The following FAM237A variants were observed in gnomAD, a reference collection of about 807,000 sequenced individuals.
FAM237A encodes protein FAM237A.
A neutral mutation model predicts 12.5 loss-of-function variants in FAM237A; 14 were observed. That is an observed-to-expected ratio of 1.12 (90% confidence interval 0.74 to 1.75). The LOEUF (loss-of-function observed/expected upper bound fraction) is 1.75. Ranked by LOEUF, FAM237A falls within the 40% of genes most tolerant of loss-of-function variation. FAM237A has a pLI of 0.00. For synonymous variants in FAM237A, 85 were observed against 77.5 expected, an observed-to-expected ratio of 1.10 and a Z score of -0.51; for missense variants, 240 against 211.7, an observed-to-expected ratio of 1.13 and a Z score of -0.83.
At chr2:206,643,373 G>A (rs1699277507) in intron 1 of FAM237A, 2 of 152,070 alleles carry the variant, frequency 1.3e-5, no homozygotes, top group South Asian at 4.1e-4. Context: ...TGAACATTTG[G>A]GTTATTATTA....
At position 206,644,366 on chromosome 2, in the gene FAM237A, C is replaced by T; in HGVS notation, c.130C>T (p.Gln44Ter). The T allele has an allele frequency of 6.2e-7, 1 of 1,613,800 alleles. No homozygotes were observed. Among genetic ancestry groups the T allele is most frequent in the Non-Finnish European group, 8.5e-7 (1 of 1,179,790 alleles). ...HSQTDLLALS[Q>*]ADPQCWESSS... ...CCAGACAGACTTGCTGGCTCTTAGC[C>T]AAGCTGATCCTCAGTGCTGGGAATC... Residue 44 changes from glutamine to a stop codon, truncating the protein, a stop_gained, in exon 2 of 3, where the codon CAA becomes TAA. Coordinates refer to ENST00000441223, the MANE Select transcript of FAM237A (RefSeq NM_001102659.3). LOFTEE classifies it high-confidence loss of function.
Position 206,644,428 on chromosome 2 carries a change from C to G in FAM237A, c.192C>G (p.Arg64=). ...SVLLLEMWKP[R]VSNTVSGFWD... is the part of the protein sequence containing the mutation. Reference sequence around the variant, plus strand: ...TTCTCCTGGAAATGTGGAAACCTCGCGTTTCCAACACTGTTTCAGGCTTCT... The same window carrying G: ...TTCTCCTGGAAATGTGGAAACCTCGGGTTTCCAACACTGTTTCAGGCTTCT... The change falls in exon 2 of 3, where the codon CGC becomes CGG. Residue 64 remains arginine, a synonymous_variant. Transcript: ENST00000441223. 1.2e-6 allele frequency: 2 copies of G among 1,613,828 alleles called. No individual in the cohort carries two copies. The highest frequency in any genetic ancestry group is 1.7e-6 in the Non-Finnish European group (2 of 1,179,790).
rs781368184 is a variant in FAM237A, at chr2:206,644,609, A to T, written c.373A>T (p.Ile125Phe). 1 of 1,604,510 alleles carries T rather than the reference A, an allele frequency of 6.2e-7. No individual in the cohort carries two copies. Among genetic ancestry groups the T allele is most frequent in the African/African-American group, 1.3e-5 (1 of 74,450 alleles). The change falls in exon 2 of 3, where the codon ATC becomes TTC. Residue 125 changes from isoleucine to phenylalanine, a missense_variant. Coordinates refer to ENST00000441223, the MANE Select transcript of FAM237A (RefSeq NM_001102659.3). ...GCAATTGGTTGGAGAGGAAGAGAAAATCTCAGCAGCGCAGCCACAGCACAC... is the reference window on the plus strand; with the variant it reads ...GCAATTGGTTGGAGAGGAAGAGAAATTCTCAGCAGCGCAGCCACAGCACAC... The part of the protein sequence containing the change: ...RRQLVGEEEK[I>F]SAAQPQHTRS...
chr2:206,644,546 G>A lies in FAM237A; in HGVS notation c.310G>A (p.Asp104Asn), dbSNP rs753530122. 3 of 1,613,980 alleles carry A rather than the reference G, an allele frequency of 1.9e-6. No homozygotes were observed. The highest frequency in any genetic ancestry group is 3.3e-4 in the Middle Eastern group (2 of 6,062). ...LAQLFWDIYV[D>N]CVLSRNHGLG... ...CCAACTCTTCTGGGACATCTATGTG[G>A]ACTGTGTGCTCTCTAGGAACCATGG... The change falls in exon 2 of 3, where the codon GAC becomes AAC. Residue 104 changes from aspartate (D) to asparagine (N), a missense_variant. Transcript: ENST00000441223.
At chr2:206,646,125 A>G (rs1699313748) in intron 2 of FAM237A, among the ~76,000 whole-genome samples, 1 of 151,926 alleles carries the variant, frequency 6.6e-6, no homozygotes, top group Non-Finnish European at 1.5e-5. Context: ...ACACGGTGAA[A>G]CCCCGTCTCT....
At chr2:206,648,521 C>T (rs1699345464) in intron 2 of FAM237A, 140 bp from the exon 3 acceptor site, 3 of 796,572 alleles carry the variant, frequency 3.8e-6, no homozygotes, top group African/African-American at 1.8e-5. Context: ...TACATATATT[C>T]CTCTGAAATC....
chr2:206,643,190 A>G (rs1400206342), intron 1 of FAM237A, among the ~76,000 whole-genome samples: 3 of 152,160 alleles, frequency 2.0e-5, no homozygotes, highest in Non-Finnish European at 4.4e-5. Context: ...CACAAGCTGT[A>G]TTTTGCTTGC....
chr2:206,646,628 T>C (rs1200277181), intron 2 of FAM237A, among the ~76,000 whole-genome samples: 2 of 152,188 alleles, frequency 1.3e-5, no homozygotes, highest in Admixed American at 6.5e-5. Flanking sequence ...TTTTAATGTT[T>C]GACACAAAAA....
chr2:206,647,251 C>A (rs1390582662), intron 2 of FAM237A, among the ~76,000 whole-genome samples: 5 of 152,118 alleles, frequency 3.3e-5, no homozygotes, highest in Non-Finnish European at 7.4e-5. Flanking sequence ...AAAGTCTCAT[C>A]TTTTCTGTTC....
intron 2 of FAM237A, among the ~76,000 whole-genome samples, chr2:206,646,669 C>T (rs1699320940): frequency 6.6e-6 from 1 of 152,270 alleles, no homozygotes; most frequent in South Asian, 2.1e-4. Context: ...CAAGACTTTC[C>T]ATTTGGTTTG....
chr2:206,647,973 G>A (rs1699338491), intron 2 of FAM237A, among the ~76,000 whole-genome samples: 1 of 152,082 alleles, frequency 6.6e-6, no homozygotes, highest in Admixed American at 6.5e-5. Flanking sequence ...TTTGCAGCTG[G>A]TGTCTCACTA....
intron 1 of FAM237A, 100 bp from the exon 2 acceptor site, chr2:206,644,127 G>A: frequency 9.0e-7 from 1 of 1,114,580 alleles, no homozygotes; most frequent in East Asian, 2.6e-5. Context: ...ACAATGATGT[G>A]TTTCCTTTGC....
At chr2:206,644,746 G>A in intron 2 of FAM237A, 98 bp downstream of exon 2, 3 of 1,188,508 alleles carry the variant, frequency 2.5e-6, no homozygotes, top group Non-Finnish European at 3.5e-6. Flanking sequence ...GGAATCCAGT[G>A]TCATATATAT....
At chr2:206,646,118 C>A (rs933647747) in intron 2 of FAM237A, among the ~76,000 whole-genome samples, 11 of 152,032 alleles carry the variant, frequency 7.2e-5, no homozygotes, top group African/African-American at 2.2e-4. Flanking sequence ...CTGGCTAACA[C>A]GGTGAAACCC....
intron 2 of FAM237A, among the ~76,000 whole-genome samples, chr2:206,645,861 A>G (rs1699311062): frequency 6.6e-6 from 1 of 152,242 alleles, no homozygotes; most frequent in South Asian, 2.1e-4. Flanking sequence ...TAGAAATACC[A>G]AATGAATATT....
rs781368184 is a variant in FAM237A at position 206,644,609 on chromosome 2, A to C, written c.373A>C (p.Ile125Leu). Residue 125 changes from isoleucine to leucine, a missense_variant, in exon 2 of 3, where the codon ATC becomes CTC. Ile to Leu is a conservative substitution (Grantham distance 5). Transcript: ENST00000441223. ...GCAATTGGTTGGAGAGGAAGAGAAA[A>C]TCTCAGCAGCGCAGCCACAGCACAC... ...RRQLVGEEEKISAAQPQHTRS... is the reference protein window; with the variant it reads ...RRQLVGEEEKLSAAQPQHTRS... 1 of 1,604,628 alleles carries C rather than the reference A, an allele frequency of 6.2e-7. No homozygotes were observed. Among genetic ancestry groups the C allele is most frequent in the South Asian group, 1.1e-5 (1 of 89,098 alleles).
At position 206,644,606 on chromosome 2, in the gene FAM237A, A is replaced by G; in HGVS notation, c.370A>G (p.Lys124Glu). Residue 124 changes from lysine (K) to glutamate (E), a missense_variant, in exon 2 of 3, where the codon AAA becomes GAA. Lys to Glu is a moderately conservative substitution (Grantham distance 56). Transcript: ENST00000441223. ...GAGGCAATTGGTTGGAGAGGAAGAG[A>G]AAATCTCAGCAGCGCAGCCACAGCA... ...GRRQLVGEEE[K>E]ISAAQPQHTR... 6.2e-7 allele frequency: 1 copy of G among 1,606,444 alleles called. No individual in the cohort carries two copies.
chr2:206,644,736 G>C (rs1003869808), intron 2 of FAM237A, 88 bp downstream of exon 2: 2 of 1,265,286 alleles, frequency 1.6e-6, no homozygotes, highest in African/African-American at 3.0e-5. Context: ...TGGCATTAGG[G>C]GAATCCAGTG....
At chr2:206,643,536 A>C (rs1245690915) in intron 1 of FAM237A, 1 of 152,206 alleles carries the variant, frequency 6.6e-6, no homozygotes, top group Non-Finnish European at 1.5e-5. Flanking sequence ...AAAATCCTTG[A>C]GATTCATAGC....
Sources: allele counts gnomAD v4.1 joint callset (sites outside exome capture counted in the v4.1 genomes callset), GRCh38; gene constraint gnomAD v4.1.1; transcripts MANE v1.5; gene names NCBI Gene and HGNC (gene_info 2026-07-23, HGNC 2026-07-21).